IL1RAPL1: variants seen among roughly 807,000 people sequenced by gnomAD.
IL1RAPL1 encodes interleukin 1 receptor accessory protein like 1.
IL1RAPL1 carries 3 observed loss-of-function variants against 48.4 expected under a neutral mutation model. That is an observed-to-expected ratio of 0.06 (90% CI 0.03 to 0.16). IL1RAPL1 has a LOEUF of 0.16. Among genes scored for constraint, IL1RAPL1 ranks in the 10% least tolerant of loss-of-function variants. IL1RAPL1 has a pLI of 1.00. For missense variants in IL1RAPL1, 349 were observed against 530.6 expected, an observed-to-expected ratio of 0.66 and a Z score of 3.36; for synonymous variants, 185 against 187.7, an observed-to-expected ratio of 0.99 and a Z score of 0.12.
At chrX:28,690,423 A>C (rs1935164782) in intron 1 of IL1RAPL1, among the ~76,000 whole-genome samples, 1 of 111,336 alleles carries the variant, frequency 9.0e-6, no homozygotes, top group Non-Finnish European at 1.9e-5. Flanking sequence ...GTTTTTGAGG[A>C]GCTCCTAACT....
At chrX:28,599,035 G>A (rs1933989736) in intron 1 of IL1RAPL1, among the ~76,000 whole-genome samples, 1 of 109,799 alleles carries the variant, frequency 9.1e-6, no homozygotes, top group Non-Finnish European at 1.9e-5. Flanking sequence ...GAGTTCAGCA[G>A]TTCAAGACCA....
At chrX:29,457,776 C>G (rs1230989501) in intron 5 of IL1RAPL1, among the ~76,000 whole-genome samples, 1 of 112,271 alleles carries the variant, frequency 8.9e-6, no homozygotes, top group Non-Finnish European at 1.9e-5. Context: ...CTTCAAACTG[C>G]TTTCCACAGG....
intron 6 of IL1RAPL1, among the ~76,000 whole-genome samples, chrX:29,878,246 A>G (rs1254991893): frequency 9.0e-6 from 1 of 111,185 alleles, no homozygotes; most frequent in Non-Finnish European, 1.9e-5. Context: ...CTAACTGGAA[A>G]ATTAGGACAG....
intron 2 of IL1RAPL1, among the ~76,000 whole-genome samples, chrX:28,883,352 A>G (rs1922551696): frequency 8.9e-6 from 1 of 112,267 alleles, no homozygotes; most frequent in African/African-American, 3.2e-5. Context: ...GCTCTGTCCA[A>G]TAGAAATTTT....
Position 28,914,072 on chromosome X carries a change from A to G in IL1RAPL1, c.82+124647A>G, listed in dbSNP as rs746942660. On this transcript the variant is annotated intron_variant, in intron 2 of 10. Transcript: ENST00000378993. ...AAATAATTAGGGTAATTTGAATGAG[A>G]TAAATTTCAGAAATTAAACTAGTCA... Among the ~76,000 whole-genome samples, 29 of 111,687 alleles carry G rather than the reference A, an allele frequency of 2.6e-4. No individual in the cohort carries two copies. The South Asian group carries it at 0.011, about 42-fold the overall frequency.
At chrX:29,136,850 GTGT>G (rs950771574) in intron 2 of IL1RAPL1, among the ~76,000 whole-genome samples, 1 of 111,895 alleles carries the variant, frequency 8.9e-6, no homozygotes, top group Non-Finnish European at 1.9e-5. Context: ...GCAGAGAGAA[GTGT>G]TATTATGAGA....
At chrX:29,553,453 T>A (rs1921885555) in intron 5 of IL1RAPL1, among the ~76,000 whole-genome samples, 1 of 111,565 alleles carries the variant, frequency 9.0e-6, no homozygotes, top group Non-Finnish European at 1.9e-5. Flanking sequence ...TTGTAGAGTG[T>A]TGAGGAGAGG....
chrX:29,362,777 A>G (rs1297126225), intron 3 of IL1RAPL1, among the ~76,000 whole-genome samples: 2 of 111,934 alleles, frequency 1.8e-5, no homozygotes, highest in Non-Finnish European at 3.8e-5. Flanking sequence ...GGTATTCCCT[A>G]TTGCTCATCG....
chrX:28,840,280 A>T (rs1351492375), intron 2 of IL1RAPL1, among the ~76,000 whole-genome samples: 1 of 111,266 alleles, frequency 9.0e-6, no homozygotes, highest in Non-Finnish European at 1.9e-5. Flanking sequence ...AAATCAGAAA[A>T]TTGACATTGG....
chrX:29,160,866 C>T (rs1273482170), intron 2 of IL1RAPL1, among the ~76,000 whole-genome samples: 1 of 111,759 alleles, frequency 8.9e-6, no homozygotes, highest in Non-Finnish European at 1.9e-5. Flanking sequence ...CCAGCCTGGC[C>T]AACATGGTGA....
At chrX:29,636,261 C>T (rs1252481231) in intron 5 of IL1RAPL1, among the ~76,000 whole-genome samples, 3 of 111,769 alleles carry the variant, frequency 2.7e-5, no homozygotes, top group African/African-American at 6.5e-5. Flanking sequence ...TTATAATTCA[C>T]GGAAGATAAA....
At chrX:29,836,988 G>T (rs1262050093) in intron 6 of IL1RAPL1, among the ~76,000 whole-genome samples, 2 of 109,451 alleles carry the variant, frequency 1.8e-5, no homozygotes, top group Non-Finnish European at 3.8e-5. Context: ...GGCCAGGTGC[G>T]GTGGCTCATG....
chrX:29,290,021 T>G (rs1292785696), intron 3 of IL1RAPL1, among the ~76,000 whole-genome samples: 1 of 111,870 alleles, frequency 8.9e-6, no homozygotes, highest in Admixed American at 9.5e-5. Flanking sequence ...TTTTTCTCAT[T>G]GAAAGAACAC....
intron 1 of IL1RAPL1, among the ~76,000 whole-genome samples, chrX:28,604,188 G>A: frequency 9.0e-6 from 1 of 111,177 alleles, no homozygotes; most frequent in Non-Finnish European, 1.9e-5. Flanking sequence ...TTAAGAAGAA[G>A]CTTTAAAAAA....
chrX:28,985,783 C>T (rs768129469), intron 2 of IL1RAPL1, among the ~76,000 whole-genome samples: 1 of 109,117 alleles, frequency 9.2e-6, no homozygotes, highest in East Asian at 2.9e-4. Context: ...CCTCAGCCTC[C>T]CGAGTAGCTG....
chrX:29,089,039 T>G (rs190957795), intron 2 of IL1RAPL1, among the ~76,000 whole-genome samples: 102 of 111,391 alleles, frequency 9.2e-4, no homozygotes, highest in African/African-American at 3.1e-3. Flanking sequence ...TTTGATGCCT[T>G]TTGTCCTAGA....
At chrX:29,019,422 A>C (rs1926313353) in intron 2 of IL1RAPL1, among the ~76,000 whole-genome samples, 1 of 111,468 alleles carries the variant, frequency 9.0e-6, no homozygotes, top group Non-Finnish European at 1.9e-5. Context: ...GTTATATCTC[A>C]AGAAAACTGT....
chrX:29,347,582 G>T (rs1386520932), intron 3 of IL1RAPL1, among the ~76,000 whole-genome samples: 6 of 109,046 alleles, frequency 5.5e-5, no homozygotes, highest in Non-Finnish European at 1.1e-4. Context: ...TAGTTACGGG[G>T]TTTCCCTGTG....
At chrX:28,808,911 C>T (rs778971836) in intron 2 of IL1RAPL1, among the ~76,000 whole-genome samples, 6 of 110,547 alleles carry the variant, frequency 5.4e-5, no homozygotes, top group Admixed American at 9.7e-5. Flanking sequence ...TGTTATTTTA[C>T]CCATTGTAAA....
Sources: allele counts gnomAD v4.1 joint callset (sites outside exome capture counted in the v4.1 genomes callset), GRCh38; gene constraint gnomAD v4.1.1; transcripts MANE v1.5; gene names NCBI Gene and HGNC (gene_info 2026-07-23, HGNC 2026-07-21).